Variants in GRB10 observed in about 807,000 individuals in gnomAD.
GRB10 encodes growth factor receptor-bound protein 10.
Under a neutral mutation model 80.9 loss-of-function variants are expected in GRB10, and 20 were observed. The ratio of observed to expected loss-of-function variants is 0.25; its 90% CI spans 0.17 to 0.36. GRB10 has a LOEUF of 0.36. GRB10 is among the 10% of genes least tolerant of loss of function. The pLI, the probability that GRB10 is intolerant of heterozygous loss-of-function variation, is 1.00. For synonymous variants in GRB10, 291 were observed against 291.5 expected, an observed-to-expected ratio of 1.00 and a Z score of 0.02; for missense variants, 548 against 747.7, an observed-to-expected ratio of 0.73 and a Z score of 3.12.
rs192180345 is a variant in GRB10 at position 50,750,044 on chromosome 7, G to A, written c.-47+5843C>T. Among the ~76,000 whole-genome samples the A allele has an allele frequency of 1.1e-3, 168 of 152,264 alleles. 1 individual carries two copies. The highest frequency in any genetic ancestry group is 2.9e-4 in the Non-Finnish European group (20 of 68,028). On this transcript the variant is annotated intron_variant, in intron 3 of 18. Coordinates refer to ENST00000401949, the MANE Select transcript of GRB10 (RefSeq NM_001350814.2). ...CCTTGGTGAGATTGCTGCCAGGCTG[G>A]CCCCACTCTCCCAGGTGGGGGCAAA...
chr7:50,674,766 A>T, intron 5 of GRB10, 108 bp from the exon 6 acceptor site: 2 of 900,248 alleles, frequency 2.2e-6, no homozygotes, highest in Non-Finnish European at 3.5e-6. Flanking sequence ...CTATTTTTCA[A>T]ATATTATGGA....
intron 7 of GRB10, among the ~76,000 whole-genome samples, chr7:50,645,251 T>C (rs1033484158): frequency 6.6e-6 from 1 of 152,190 alleles, no homozygotes; most frequent in African/African-American, 2.4e-5. Flanking sequence ...AATGAGATTA[T>C]ATAATCACAA....
chr7:50,732,256 A>G lies in GRB10; in HGVS notation c.51+16T>C. ...GCACCATCGGGCCAGGATCAGATATATGTGCTCGCCCATACCTGGTAGTAC... is the reference window on the plus strand; with the variant it reads ...GCACCATCGGGCCAGGATCAGATATGTGTGCTCGCCCATACCTGGTAGTAC... On this transcript the variant is annotated intron_variant, in intron 4 of 18. Coordinates refer to ENST00000401949, the MANE Select transcript of GRB10 (RefSeq NM_001350814.2). 2 of 1,613,506 alleles carry G rather than the reference A, an allele frequency of 1.2e-6. No homozygotes were observed. Among genetic ancestry groups the G allele is most frequent in the Non-Finnish European group, 1.7e-6 (2 of 1,179,462 alleles).
intron 7 of GRB10, among the ~76,000 whole-genome samples, chr7:50,652,646 G>A (rs1318047575): frequency 2.6e-5 from 4 of 152,204 alleles, no homozygotes; most frequent in African/African-American, 7.2e-5. Flanking sequence ...GAAGGATTCT[G>A]AGACTTCCGC....
chr7:50,731,252 T>A (rs944799908), intron 4 of GRB10, among the ~76,000 whole-genome samples: 3 of 151,314 alleles, frequency 2.0e-5, no homozygotes, highest in Non-Finnish European at 4.4e-5. Flanking sequence ...ACGATTAGAA[T>A]GAACGGTATT....
chr7:50,643,633 G>C (rs549780725), intron 7 of GRB10, among the ~76,000 whole-genome samples: 1 of 152,146 alleles, frequency 6.6e-6, no homozygotes, highest in Non-Finnish European at 1.5e-5. Flanking sequence ...TCCTGACTTT[G>C]GTAACTTTAT....
At chr7:50,793,326 C>G (rs2079014697) in exon 1 of GRB10, 1 of 146,564 alleles carries the variant, frequency 6.8e-6, no homozygotes, top group Non-Finnish European at 1.5e-5. Context: ...GCGCTCAAGA[C>G]TGTCCCGGGC....
chr7:50,751,572 G>A (rs1276903264), intron 3 of GRB10, among the ~76,000 whole-genome samples: 1 of 152,228 alleles, frequency 6.6e-6, no homozygotes, highest in Non-Finnish European at 1.5e-5. Flanking sequence ...GGGTGGGAAG[G>A]AAGAACTGCA....
intron 1 of GRB10, chr7:50,792,559 T>C (rs577101869): frequency 1.3e-5 from 5 of 398,426 alleles, no homozygotes; most frequent in Admixed American, 4.4e-5. Flanking sequence ...ACCGCTCTTA[T>C]CACATTTCCA....
intron 3 of GRB10, among the ~76,000 whole-genome samples, chr7:50,745,869 A>G (rs745792283): frequency 2.0e-5 from 3 of 152,236 alleles, no homozygotes; most frequent in African/African-American, 2.4e-5. Flanking sequence ...AAAGTAGTTA[A>G]TCACACTTTC....
intron 7 of GRB10, among the ~76,000 whole-genome samples, chr7:50,641,860 C>T (rs907040238): frequency 2.6e-5 from 4 of 152,142 alleles, no homozygotes; most frequent in African/African-American, 4.8e-5. Context: ...TTACCGTGAG[C>T]GAGCCCAGAG....
At chr7:50,700,921 C>CT (rs2153666032) in intron 5 of GRB10, among the ~76,000 whole-genome samples, 1 of 152,340 alleles carries the variant, frequency 6.6e-6, no homozygotes, top group South Asian at 2.1e-4. Flanking sequence ...TCAAGAGTCT[C>CT]TGTCTGTTGG....
At chr7:50,648,528 G>A (rs1052886111) in intron 7 of GRB10, among the ~76,000 whole-genome samples, 13 of 152,190 alleles carry the variant, frequency 8.5e-5, no homozygotes, top group Non-Finnish European at 1.9e-4. Context: ...GACCCAAGGC[G>A]GTAAGGAAGA....
intron 7 of GRB10, among the ~76,000 whole-genome samples, chr7:50,644,982 C>T (rs2056933661): frequency 6.6e-6 from 1 of 152,156 alleles, no homozygotes; most frequent in African/African-American, 2.4e-5. Flanking sequence ...TGCAAAAGGG[C>T]TATAATCCCC....
intron 5 of GRB10, among the ~76,000 whole-genome samples, chr7:50,690,667 TGAATGAAC>T (rs971707243): frequency 1.4e-5 from 2 of 144,552 alleles, no homozygotes; most frequent in African/African-American, 4.9e-5. Flanking sequence ...GTTTCACAAA[TGAATGAAC>T]GAATGAACGA....
In GRB10 at chr7:50,595,602, TACACACACACACACACACAC is replaced by T. The variant is rs59746858; in HGVS notation, c.1545-92_1545-73del. The T allele has an allele frequency of 1.7e-4, 98 of 561,532 alleles. 1 individual carries two copies. The African/African-American group carries it at 1.8e-3, about 10-fold the overall frequency. The allele number at this position is 561,532 out of a possible 1,614,324, so 34.8% of individuals were successfully genotyped here. ...AACTAATCACACACACACACTCTCTTACACACACACACACACACACACACACACACACACAGGCTTGGAGC... is the reference window on the plus strand; with the variant it reads ...AACTAATCACACACACACACTCTCTTACACACACACACACAGGCTTGGAGC... On this transcript the variant is annotated intron_variant, in intron 17 of 18. Coordinates refer to ENST00000401949, the MANE Select transcript of GRB10 (RefSeq NM_001350814.2).
At chr7:50,718,999 A>G (rs990996915) in intron 4 of GRB10, among the ~76,000 whole-genome samples, 1 of 152,230 alleles carries the variant, frequency 6.6e-6, no homozygotes, top group African/African-American at 2.4e-5. Context: ...CATTCAACAA[A>G]TATTTACCAA....
rs766510558 is a variant in GRB10, at chr7:50,674,491, C to T, written c.307G>A (p.Val103Met). ...SGPPRSIQPQ[V>M]SPRQRVQRSQ... is the part of the protein sequence containing the mutation. ...CGCTGCACCCTCTGCCTCGGGGACA[C>T]CTGTGGCTGGATGGACCGAGGAGGG... The change falls in exon 6 of 19, where the codon GTG becomes ATG. Residue 103 changes from valine (V) to methionine (M), a missense_variant. By Grantham distance (21) the Val-to-Met change is conservative (BLOSUM62 1). Around this residue, in one of 4 missense-constraint regions of GRB10, gnomAD observed 245 missense variants for 229.3 expected, o/e 1.07. Transcript: ENST00000401949. 2 of 1,609,048 alleles carry T rather than the reference C, an allele frequency of 1.2e-6. No homozygotes were observed. The highest frequency in any genetic ancestry group is 2.2e-5 in the South Asian group (2 of 91,068).
At chr7:50,788,492 C>T (rs1379441970) in intron 1 of GRB10, among the ~76,000 whole-genome samples, 1 of 152,160 alleles carries the variant, frequency 6.6e-6, no homozygotes, top group Non-Finnish European at 1.5e-5. Flanking sequence ...AGACAGAGAG[C>T]AGTCCCCAAC....
Sources: allele counts gnomAD v4.1 joint callset (sites outside exome capture counted in the v4.1 genomes callset), GRCh38; gene constraint gnomAD v4.1.1; regional missense constraint gnomAD v4.1.1; transcripts MANE v1.5; gene names NCBI Gene and HGNC (gene_info 2026-07-23, HGNC 2026-07-21).